USP6NL: variants seen among roughly 807,000 people sequenced by gnomAD.
The protein encoded by USP6NL is USP6 N-terminal like, also known as USP6 N-terminal-like protein.
Under a neutral mutation model 61.9 loss-of-function variants are expected in USP6NL, and 26 were observed. The observed-to-expected ratio is 0.42, with a 90% confidence interval of 0.31 to 0.58. The LOEUF (loss-of-function observed/expected upper bound fraction) is 0.58, where lower values mean the gene tolerates loss of function less well. Among genes scored for constraint, USP6NL ranks in the 20% least tolerant of loss-of-function variants. The pLI is 0.16. For synonymous variants in USP6NL, 432 were observed against 390.1 expected (o/e 1.11, Z -1.27); for missense variants, 1,114 against 1,034.3 (o/e 1.08, Z -1.06).
intron 2 of USP6NL, among the ~76,000 whole-genome samples, chr10:11,565,952 C>T (rs572677506): frequency 1.3e-5 from 2 of 152,278 alleles, no homozygotes; most frequent in Non-Finnish European, 2.9e-5. Context: ...CAGCATATGT[C>T]CAGCATTTAT....
Position 11,611,107 on chromosome 10 carries a change from A to C in USP6NL, c.-84+336T>G, listed in dbSNP as rs1428963682. Among the ~76,000 whole-genome samples the C allele has an allele frequency of 5.3e-5, 8 of 152,082 alleles. No homozygotes were observed. Among genetic ancestry groups the C allele is most frequent in the Non-Finnish European group, 4.4e-5 (3 of 67,978 alleles). On this transcript the variant is annotated intron_variant, in intron 1 of 14. Transcript: ENST00000609104. This position sits in a 1 kb window ranked among gnomAD's most constrained non-coding sequence, Gnocchi z 5.3. ...TCGGGAGACGCGACCGAAACTTGCGAGGGAGACGCGCCTGGCCGGGATCGC... is the reference window on the plus strand; with the variant it reads ...TCGGGAGACGCGACCGAAACTTGCGCGGGAGACGCGCCTGGCCGGGATCGC...
chr10:11,607,715 A>C (rs1018859913), intron 1 of USP6NL, among the ~76,000 whole-genome samples: 1 of 152,110 alleles, frequency 6.6e-6, no homozygotes, highest in African/African-American at 2.4e-5. Context: ...AATAATAATA[A>C]TTTGCCATCA....
At chr10:11,566,478 A>G (rs1837160788) in intron 2 of USP6NL, among the ~76,000 whole-genome samples, 1 of 152,188 alleles carries the variant, frequency 6.6e-6, no homozygotes, top group Non-Finnish European at 1.5e-5. Context: ...ACGAACTTAT[A>G]AGAACTTTTG....
At position 11,540,788 on chromosome 10, in the gene USP6NL, C is replaced by T. The variant is rs1423221021; in HGVS notation, c.5-13221G>A. 1.3e-5 allele frequency among the ~76,000 whole-genome samples: 2 copies of T among 151,990 alleles called. No homozygotes were observed. The highest frequency in any genetic ancestry group is 2.4e-5 in the African/African-American group (1 of 41,376). ...CTAAAATGACACTCAAAAACAAGAACGAGGTATTGCCTAGAACAACTGAGA... is the reference window on the plus strand; with the variant it reads ...CTAAAATGACACTCAAAAACAAGAATGAGGTATTGCCTAGAACAACTGAGA... On this transcript the variant is annotated intron_variant, in intron 2 of 14. Transcript: ENST00000609104. This position sits in a 1 kb window ranked among gnomAD's most constrained non-coding sequence, Gnocchi z 5.0.
chr10:11,505,424 T>C (rs1426983025), intron 6 of USP6NL, among the ~76,000 whole-genome samples: 1 of 152,152 alleles, frequency 6.6e-6, no homozygotes, highest in East Asian at 1.9e-4. Flanking sequence ...AATTAGGACA[T>C]AGAAAGGTTA....
At chr10:11,536,247 C>A (rs1198609824) in intron 2 of USP6NL, among the ~76,000 whole-genome samples, 1 of 152,196 alleles carries the variant, frequency 6.6e-6, no homozygotes, top group African/African-American at 2.4e-5. Flanking sequence ...TCCAGTACCT[C>A]CTCTTGACCC....
At chr10:11,579,659 C>T (rs1463818800) in intron 2 of USP6NL, among the ~76,000 whole-genome samples, 1 of 152,174 alleles carries the variant, frequency 6.6e-6, no homozygotes, top group Non-Finnish European at 1.5e-5. Flanking sequence ...TCTCCCCATA[C>T]CTACAACACC....
At chr10:11,570,499 A>G (rs150108014) in intron 2 of USP6NL, among the ~76,000 whole-genome samples, 2 of 152,344 alleles carry the variant, frequency 1.3e-5, no homozygotes, top group African/African-American at 4.8e-5. Context: ...TTACTTTAGT[A>G]CTAATTTTAA....
chr10:11,531,904 T>C (rs530583628), intron 2 of USP6NL, among the ~76,000 whole-genome samples: 121 of 152,332 alleles, frequency 7.9e-4, no homozygotes, highest in African/African-American at 2.5e-3. Context: ...ATTTTAAAAA[T>C]TGACAACTAT....
At chr10:11,483,621 GA>G (rs1566124407) in intron 13 of USP6NL, among the ~76,000 whole-genome samples, 3 of 12,850 alleles carry the variant, frequency 2.3e-4, no homozygotes, top group East Asian at 6.8e-3. Context: ...GAGAGGGGGG[GA>G]GAAGGGGAGG....
Position 11,470,095 on chromosome 10 carries a change from TGAG to T in USP6NL, c.1079-6249_1079-6247del, listed in dbSNP as rs1482701799. Among the ~76,000 whole-genome samples, 4 of 151,788 alleles carry T rather than the reference TGAG, an allele frequency of 2.6e-5. No homozygotes were observed. The highest frequency in any genetic ancestry group is 9.7e-5 in the African/African-American group (4 of 41,270). On this transcript the variant is annotated intron_variant, in intron 14 of 14. Coordinates refer to ENST00000609104, the MANE Select transcript of USP6NL (RefSeq NM_014688.5). The surrounding 1 kb of genome is among the most constrained non-coding windows in gnomAD (Gnocchi z 5.4). ...GGAGGTAGTAACGCTGTGCCTCTCA[TGAG>T]GAGGAGAAGCAAGAAGGGGCGGAGA...
intron 10 of USP6NL, among the ~76,000 whole-genome samples, chr10:11,488,390 C>A (rs1833569398): frequency 6.6e-6 from 1 of 152,154 alleles, no homozygotes; most frequent in Non-Finnish European, 1.5e-5. Context: ...GCCTGGGTGA[C>A]AGAGCAAGAC....
At chr10:11,568,149 T>TTGTGTGTG (rs35053647) in intron 2 of USP6NL, among the ~76,000 whole-genome samples, 4,337 of 149,676 alleles carry the variant, frequency 0.029, 85 homozygotes, top group Non-Finnish European at 0.041. Context: ...CGGGAGGTAG[T>TTGTGTGTG]TGTGTGTGTG....
chr10:11,513,525 T>C lies in USP6NL; in HGVS notation c.196-3850A>G, dbSNP rs1364854559. ...ACAGAAAAGTTGAGAGAATAGTATG[T>C]CACATACTTATAAATGCTTCATGAG... On this transcript the variant is annotated intron_variant, in intron 5 of 14. Coordinates refer to ENST00000609104, the MANE Select transcript of USP6NL (RefSeq NM_014688.5). The surrounding 1 kb of genome is among the most constrained non-coding windows in gnomAD (Gnocchi z 4.7). 6.6e-6 allele frequency among the ~76,000 whole-genome samples: 1 copy of C among 152,212 alleles called. No homozygotes were observed. The highest frequency in any genetic ancestry group is 1.9e-4 in the East Asian group (1 of 5,206).
rs527946799 is a variant in USP6NL at position 11,470,559 on chromosome 10, A to G, written c.1079-6710T>C. Among the ~76,000 whole-genome samples the G allele has an allele frequency of 1.0e-3, 152 of 152,358 alleles. 1 individual carries two copies. Among genetic ancestry groups the G allele is most frequent in the African/African-American group, 3.5e-3 (144 of 41,578 alleles). Reference sequence around the variant, plus strand: ...ATTCTCTACCCTTCTTCACAGAAGTAGGTCCAAATAAAGCATTCAACATTT... The same window carrying G: ...ATTCTCTACCCTTCTTCACAGAAGTGGGTCCAAATAAAGCATTCAACATTT... On this transcript the variant is annotated intron_variant, in intron 14 of 14. Coordinates refer to ENST00000609104, the MANE Select transcript of USP6NL (RefSeq NM_014688.5). The surrounding 1 kb of genome is among the most constrained non-coding windows in gnomAD (Gnocchi z 5.4).
intron 5 of USP6NL, among the ~76,000 whole-genome samples, chr10:11,516,277 C>T (rs190772984): frequency 9.7e-4 from 147 of 152,232 alleles, no homozygotes; most frequent in African/African-American, 2.6e-3. Context: ...TGTGATTACC[C>T]GACTATGCAC....
chr10:11,473,789 A>G (rs747981776), intron 14 of USP6NL, among the ~76,000 whole-genome samples: 11 of 152,230 alleles, frequency 7.2e-5, no homozygotes, highest in Non-Finnish European at 1.0e-4. Context: ...ATTAAAATAA[A>G]TGTCAGTTAA....
In USP6NL at chr10:11,596,786, C is replaced by A. The variant is rs1402930583; in HGVS notation, c.4+845G>T. ...TTAGTAGAAGCACTCCAATATTTTACAACAGCAGCGTCATTTTCACTTATC... is the reference window on the plus strand; with the variant it reads ...TTAGTAGAAGCACTCCAATATTTTAAAACAGCAGCGTCATTTTCACTTATC... On this transcript the variant is annotated intron_variant, in intron 2 of 14. Transcript: ENST00000609104. This position sits in a 1 kb window ranked among gnomAD's most constrained non-coding sequence, Gnocchi z 4.1. Among the ~76,000 whole-genome samples, 1 of 152,120 alleles carries A rather than the reference C, an allele frequency of 6.6e-6. No homozygotes were observed. The highest frequency in any genetic ancestry group is 6.5e-5 in the Admixed American group (1 of 15,278).
At chr10:11,538,516 T>C (rs1181096083) in intron 2 of USP6NL, among the ~76,000 whole-genome samples, 2 of 152,214 alleles carry the variant, frequency 1.3e-5, no homozygotes, top group Non-Finnish European at 2.9e-5. Flanking sequence ...TCATTAAATA[T>C]TTCTTGAAAA....
Sources: gnomAD v4.1 joint callset for allele counts (sites outside exome capture counted in the v4.1 genomes callset) on GRCh38, gnomAD v4.1.1 for gene constraint, Gnocchi (gnomAD v3.1) non-coding constraint, MANE v1.5 for transcripts, NCBI Gene and HGNC (gene_info 2026-07-23, HGNC 2026-07-21) for gene names.